The following SEC14L1 variants were observed in gnomAD, a reference collection of about 807,000 sequenced individuals.
SEC14L1 encodes SEC14-like protein 1.
In SEC14L1, 48 loss-of-function variants were observed where a neutral mutation model predicts 85.3. The ratio of observed to expected loss-of-function variants is 0.56; its 90% CI spans 0.45 to 0.72. The LOEUF (loss-of-function observed/expected upper bound fraction) is 0.72, where lower values mean the gene tolerates loss of function less well. Ranked by LOEUF, SEC14L1 falls within the 30% of genes least tolerant of loss-of-function variation. The pLI is 0.00. For missense variants in SEC14L1, 682 were observed against 921.4 expected (o/e 0.74, Z 3.36); for synonymous variants, 391 against 355.5 (o/e 1.10, Z -1.12).
chr17:77,161,712 C>CTTTT (rs763767954), intron 3 of SEC14L1, among the ~76,000 whole-genome samples: 5,476 of 102,984 alleles, frequency 0.053, 205 homozygotes, highest in South Asian at 0.11. Flanking sequence ...TAAATTGGTT[C>CTTTT]TTTTTTTTTT....
Position 77,216,711 on chromosome 17 carries a change from C to A in SEC14L1, c.*2688C>A. The A allele has an allele frequency of 7.1e-7, 1 of 1,417,140 alleles. No homozygotes were observed. Among genetic ancestry groups the A allele is most frequent in the Non-Finnish European group, 9.8e-7 (1 of 1,021,666 alleles). 87.8% of individuals were successfully genotyped at this position (1,417,140 alleles called of 1,614,324 possible). ...ATTCGGGAGTGGCATTCTTTTATAC[C>A]CAAAGACTGTAGTGCATCTTGAAGA... On this transcript the variant is annotated 3_prime_UTR_variant, in exon 17 of 17. Coordinates refer to ENST00000436233, the MANE Select transcript of SEC14L1 (RefSeq NM_001143998.2).
At chr17:77,183,188 A>G (rs1975113553) in intron 3 of SEC14L1, among the ~76,000 whole-genome samples, 1 of 152,226 alleles carries the variant, frequency 6.6e-6, no homozygotes, top group Admixed American at 6.5e-5. Context: ...TTACATGTGG[A>G]CTTTCTCCCC....
intron 3 of SEC14L1, among the ~76,000 whole-genome samples, chr17:77,188,688 G>A (rs1002326333): frequency 2.0e-5 from 3 of 152,114 alleles, no homozygotes; most frequent in African/African-American, 7.2e-5. Flanking sequence ...GTTGTATACC[G>A]TTGCATGTTT....
At chr17:77,110,907 A>C (rs1036264051) in intron 3 of SEC14L1, among the ~76,000 whole-genome samples, 1 of 146,816 alleles carries the variant, frequency 6.8e-6, no homozygotes. Context: ...AAAGAAATAC[A>C]TTGGGGCTGG....
At chr17:77,148,315 G>A (rs1161448322) in intron 3 of SEC14L1, among the ~76,000 whole-genome samples, 2 of 152,052 alleles carry the variant, frequency 1.3e-5, no homozygotes, top group Non-Finnish European at 1.5e-5. Flanking sequence ...GGTGACAGCC[G>A]CAGGCGAGAT....
At chr17:77,091,772 T>G (rs1449481605) in intron 2 of SEC14L1, among the ~76,000 whole-genome samples, 1 of 152,194 alleles carries the variant, frequency 6.6e-6, no homozygotes, top group Non-Finnish European at 1.5e-5. Context: ...TCATGTTGAT[T>G]TCTCCTGGAG....
At chr17:77,101,178 C>T (rs545256572) in intron 3 of SEC14L1, among the ~76,000 whole-genome samples, 1 of 151,894 alleles carries the variant, frequency 6.6e-6, no homozygotes, top group African/African-American at 2.4e-5. Flanking sequence ...CATATAGTCC[C>T]TCTCTTTTTT....
chr17:77,155,909 C>T (rs1220463043), intron 3 of SEC14L1, among the ~76,000 whole-genome samples: 1 of 152,100 alleles, frequency 6.6e-6, no homozygotes, highest in East Asian at 1.9e-4. Context: ...ATGAGGTTCC[C>T]AGCTTAAGCT....
In SEC14L1 at chr17:77,213,906, G is replaced by C; in HGVS notation, c.2043-12G>C. 6.2e-7 allele frequency: 1 copy of C among 1,612,344 alleles called. No individual in the cohort carries two copies. The highest frequency in any genetic ancestry group is 8.5e-7 in the Non-Finnish European group (1 of 1,179,262). On this transcript the variant is annotated splice_polypyrimidine_tract_variant and intron_variant, in intron 16 of 16. Transcript: ENST00000436233. The surrounding 1 kb of genome is among the most constrained non-coding windows in gnomAD (Gnocchi z 7.1). ...TGGTCCTCACGCCTCGCCCCTCCCT[G>C]TGCCATTACAGAGGTTCCATGACGA...
intron 3 of SEC14L1, among the ~76,000 whole-genome samples, chr17:77,170,554 A>T (rs914243252): frequency 9.9e-5 from 15 of 152,170 alleles, no homozygotes; most frequent in African/African-American, 3.4e-4. Context: ...TGAGAAATTC[A>T]TCCTTTGTTT....
Position 77,215,417 on chromosome 17 carries a change from C to G in SEC14L1, c.*1394C>G. 1.0e-6 allele frequency: 1 copy of G among 985,466 alleles called. No individual in the cohort carries two copies. Among genetic ancestry groups the G allele is most frequent in the South Asian group, 4.7e-5 (1 of 21,300 alleles). 61.0% of individuals were successfully genotyped at this position (985,466 alleles called of 1,614,324 possible). A position where few individuals can be genotyped will look rare whatever the true frequency, so the allele number is the denominator to read the frequency against. On this transcript the variant is annotated 3_prime_UTR_variant, in exon 17 of 17. Transcript: ENST00000436233. ...ACCCCACGCGGCTGTCAACTGTGTG[C>G]GTGGTAGGCATGGAGATCCTGGTTG... is the stretch of plus-strand genomic sequence containing the variant.
chr17:77,153,345 G>A (rs1448751810), intron 3 of SEC14L1, among the ~76,000 whole-genome samples: 1 of 152,204 alleles, frequency 6.6e-6, no homozygotes, highest in Non-Finnish European at 1.5e-5. Flanking sequence ...GGGATTACAG[G>A]CGTGAACCAC....
intron 3 of SEC14L1, among the ~76,000 whole-genome samples, chr17:77,153,423 T>C (rs922657119): frequency 6.6e-6 from 1 of 152,220 alleles, no homozygotes; most frequent in African/African-American, 2.4e-5. Flanking sequence ...TAAAACCAGC[T>C]GCTCCCCTTT....
intron 3 of SEC14L1, among the ~76,000 whole-genome samples, chr17:77,113,745 CAAAAA>C (rs1471027808): frequency 6.6e-6 from 1 of 151,810 alleles, no homozygotes; most frequent in African/African-American, 2.4e-5. Context: ...GACTCTGTCT[CAAAAA>C]GAAAAGAAAA....
intron 3 of SEC14L1, among the ~76,000 whole-genome samples, chr17:77,145,426 G>A (rs1973258063): frequency 6.6e-6 from 1 of 152,168 alleles, no homozygotes; most frequent in Admixed American, 6.5e-5. Context: ...TCTGTGGTGC[G>A]CCTTCCCTTT....
At chr17:77,120,454 C>T (rs947698628) in intron 3 of SEC14L1, among the ~76,000 whole-genome samples, 3 of 151,756 alleles carry the variant, frequency 2.0e-5, no homozygotes, top group African/African-American at 4.8e-5. Context: ...GAGGCTGCCC[C>T]GGAGTTTCTG....
At chr17:77,098,012 G>A (rs1190952385) in intron 3 of SEC14L1, among the ~76,000 whole-genome samples, 1 of 152,158 alleles carries the variant, frequency 6.6e-6, no homozygotes, top group Non-Finnish European at 1.5e-5. Flanking sequence ...GAGGCAGCCA[G>A]TGCCCTGGCA....
Position 77,102,150 on chromosome 17 carries a change from C to T in SEC14L1, c.-136+8803C>T, listed in dbSNP as rs538825382. Among the ~76,000 whole-genome samples the T allele has an allele frequency of 4.6e-5, 7 of 152,322 alleles. No homozygotes were observed. In the South Asian group the frequency reaches 8.3e-4, roughly 18 times the overall value. ...TGATTGAATAAGCATTAAACCAAAA[C>T]GCGTTGAGCATCACAGGCAGCCCAC... On this transcript the variant is annotated intron_variant, in intron 3 of 19. Coordinates refer to the SEC14L1 transcript ENST00000392476.
chr17:77,178,619 G>A (rs1010397331), intron 3 of SEC14L1, among the ~76,000 whole-genome samples: 5 of 152,154 alleles, frequency 3.3e-5, no homozygotes, highest in East Asian at 3.8e-4. Flanking sequence ...GTTTCGGGAC[G>A]AAACTCTTCC....
Sources: allele counts gnomAD v4.1 joint callset (sites outside exome capture counted in the v4.1 genomes callset), GRCh38; gene constraint gnomAD v4.1.1; non-coding constraint Gnocchi (gnomAD v3.1); transcripts MANE v1.5; gene names NCBI Gene and HGNC (gene_info 2026-07-23, HGNC 2026-07-21).